NFU1: variants seen among roughly 807,000 people sequenced by gnomAD.
The protein encoded by NFU1 is NFU1 iron-sulfur cluster scaffold, also known as NFU1 iron-sulfur cluster scaffold homolog, mitochondrial.
NFU1 carries 30 observed loss-of-function variants against 32.2 expected under a neutral mutation model. That is an observed-to-expected ratio of 0.93 (90% CI 0.70 to 1.26). The LOEUF is 1.26. Among genes scored for constraint, NFU1 ranks in the 50% most tolerant of loss-of-function variants. The pLI, the probability that NFU1 is intolerant of heterozygous loss-of-function variation, is 0.00. For synonymous variants in NFU1, 112 were observed against 104.6 expected, an observed-to-expected ratio of 1.07 and a Z score of -0.43; for missense variants, 306 against 306.6, an observed-to-expected ratio of 1.00 and a Z score of 0.02.
rs569426951 is a variant in NFU1, at chr2:69,429,659, T to C, written c.166+2243A>G. On this transcript the variant is annotated intron_variant, in intron 2 of 7. Transcript: ENST00000410022. The stretch of plus-strand genomic sequence containing the variant: ...TTAAGAGCATATACTCTATACTATC[T>C]AAAGTAGAAAGTATGAAAATGAATG... Among the ~76,000 whole-genome samples the C allele has an allele frequency of 1.3e-3, 196 of 152,334 alleles. 1 individual carries two copies. The highest frequency in any genetic ancestry group is 4.6e-3 in the African/African-American group (193 of 41,586).
intron 3 of NFU1, among the ~76,000 whole-genome samples, chr2:69,421,051 G>A (rs540633658): frequency 1.3e-5 from 2 of 151,740 alleles, no homozygotes; most frequent in Non-Finnish European, 1.5e-5. Context: ...AAAAAATACC[G>A]AATTTAGCCA....
intron 5 of NFU1, among the ~76,000 whole-genome samples, chr2:69,414,867 A>G (rs1490551914): frequency 6.6e-6 from 1 of 152,124 alleles, no homozygotes; most frequent in Non-Finnish European, 1.5e-5. Flanking sequence ...CAACTGTGGC[A>G]AAAGATAACA....
At position 69,400,449 on chromosome 2, in the gene NFU1, C is replaced by G; in HGVS notation, c.635G>C (p.Ser212Thr). Residue 212 changes from serine to threonine, a missense_variant, in exon 7 of 8, where the codon AGC becomes ACC. Physicochemically the swap from Ser to Thr is moderately conservative, Grantham distance 58. Coordinates refer to ENST00000410022, the MANE Select transcript of NFU1 (RefSeq NM_001002755.4). ...CAGAGTAATGATTGAACTAGGGCAG[C>G]TGGTACAAGAACCCTGGAGTTTCAG... ...VQLKLQGSCT[S>T]CPSSIITLKN... 6.2e-7 allele frequency: 1 copy of G among 1,614,094 alleles called. No individual in the cohort carries two copies. Among genetic ancestry groups the G allele is most frequent in the Non-Finnish European group, 8.5e-7 (1 of 1,179,940 alleles).
chr2:69,410,444 A>G (rs1234914944), intron 5 of NFU1, among the ~76,000 whole-genome samples: 2 of 152,172 alleles, frequency 1.3e-5, no homozygotes, highest in Non-Finnish European at 2.9e-5. Context: ...AAGAGCATGA[A>G]CGCTGGAGGC....
chr2:69,404,794 A>G (rs1208884302), intron 6 of NFU1, among the ~76,000 whole-genome samples: 1 of 150,534 alleles, frequency 6.6e-6, no homozygotes, highest in Non-Finnish European at 1.5e-5. Context: ...TAATTTTTGT[A>G]TTCTTAGTAG....
Position 69,400,489 on chromosome 2 carries a change from C to A in NFU1, c.595G>T (p.Asp199Tyr). Residue 199 changes from aspartate to tyrosine, a missense_variant, in exon 7 of 8, where the codon GAT (aspartate) becomes TAT (tyrosine). Transcript: ENST00000410022. ...GGDVIYKGFE[D>Y]GIVQLKLQGS... ...TGGAGTTTCAGCTGTACAATGCCAT[C>A]TTCAAAGCCTTTGTAGATTACATCC... 1 of 1,614,130 alleles carries A rather than the reference C, an allele frequency of 6.2e-7. No homozygotes were observed. The highest frequency in any genetic ancestry group is 8.5e-7 in the Non-Finnish European group (1 of 1,180,024).
chr2:69,403,755 T>A (rs1172977567), intron 6 of NFU1, among the ~76,000 whole-genome samples: 1 of 152,182 alleles, frequency 6.6e-6, no homozygotes, highest in Non-Finnish European at 1.5e-5. Flanking sequence ...TCTACTGACT[T>A]AAATTCCAGT....
intron 4 of NFU1, among the ~76,000 whole-genome samples, chr2:69,418,837 T>C (rs1485577694): frequency 6.6e-6 from 1 of 152,194 alleles, no homozygotes; most frequent in Non-Finnish European, 1.5e-5. Flanking sequence ...AAGGGGAGTT[T>C]AATAAATATT....
upstream of NFU1, chr2:69,437,532 G>T: frequency 7.2e-7 from 1 of 1,387,448 alleles, no homozygotes; most frequent in Non-Finnish European, 9.9e-7. Context: ...CCTACCGGCT[G>T]CGGGCGGTCC....
chr2:69,427,387 A>G (rs187188108), intron 2 of NFU1, among the ~76,000 whole-genome samples: 80 of 150,424 alleles, frequency 5.3e-4, no homozygotes, highest in Middle Eastern at 3.4e-3. Context: ...CTCCATCTCA[A>G]AAAAAAATAG....
chr2:69,405,354 C>G (rs1033216127), intron 6 of NFU1, among the ~76,000 whole-genome samples: 8 of 152,196 alleles, frequency 5.3e-5, no homozygotes, highest in Admixed American at 2.6e-4. Flanking sequence ...GTCTTCCCAT[C>G]TAAACAAATT....
In NFU1 at chr2:69,396,172, C is replaced by A. The variant is rs1672323749; in HGVS notation, c.*74G>T. Reference sequence around the variant, plus strand: ...TTTTATTAATCTTCAAGTTCCTCAGCATATTAATAATAAAAACTTGATATA... The same window carrying A: ...TTTTATTAATCTTCAAGTTCCTCAGAATATTAATAATAAAAACTTGATATA... On this transcript the variant is annotated 3_prime_UTR_variant, in exon 8 of 8. Transcript: ENST00000410022. The A allele has an allele frequency of 8.8e-7, 1 of 1,138,842 alleles. No individual in the cohort carries two copies. The highest frequency in any genetic ancestry group is 1.5e-5 in the African/African-American group (1 of 64,948). 70.5% of individuals were successfully genotyped at this position (1,138,842 alleles called of 1,614,324 possible).
At chr2:69,399,942 G>A (rs372148792) in intron 7 of NFU1, among the ~76,000 whole-genome samples, 26 of 151,674 alleles carry the variant, frequency 1.7e-4, no homozygotes, top group East Asian at 9.7e-4. Flanking sequence ...GCGCGATCTC[G>A]GCTCACCGCA....
intron 1 of NFU1, among the ~76,000 whole-genome samples, chr2:69,433,744 G>A (rs1476829107): frequency 6.6e-6 from 1 of 152,160 alleles, no homozygotes; most frequent in Non-Finnish European, 1.5e-5. Flanking sequence ...CCAAAATGCT[G>A]GGATTACACA....
upstream of NFU1, among the ~76,000 whole-genome samples, chr2:69,438,309 G>T (rs768728682): frequency 9.9e-5 from 15 of 151,784 alleles, no homozygotes; most frequent in Non-Finnish European, 1.5e-4. Flanking sequence ...CTGGAGAGCA[G>T]GAGTGCGATC....
rs967612065 is a variant in NFU1, at chr2:69,417,934, C to T, written c.369+1604G>A. Among the ~76,000 whole-genome samples the T allele has an allele frequency of 4.7e-5, 7 of 150,250 alleles. No individual in the cohort carries two copies. In the East Asian group the frequency reaches 1.2e-3, roughly 25 times the overall value. Reference sequence around the variant, plus strand: ...AAATTTTTATATAGCATAGGCTATACGTAAAAGAACTAAATAACTTTAAAA... The same window carrying T: ...AAATTTTTATATAGCATAGGCTATATGTAAAAGAACTAAATAACTTTAAAA... On this transcript the variant is annotated intron_variant, in intron 4 of 7. Coordinates refer to ENST00000410022, the MANE Select transcript of NFU1 (RefSeq NM_001002755.4).
chr2:69,438,671 T>A (rs1402153888), upstream of NFU1, among the ~76,000 whole-genome samples: 1 of 152,120 alleles, frequency 6.6e-6, no homozygotes, highest in East Asian at 1.9e-4. Flanking sequence ...CACCTGTTGT[T>A]GAACAGGTTG....
chr2:69,423,462 T>C, intron 3 of NFU1, 120 bp downstream of exon 3: 1 of 886,320 alleles, frequency 1.1e-6, no homozygotes, highest in Non-Finnish European at 1.7e-6. Flanking sequence ...AATTATTTTC[T>C]ACACTTAAAA....
chr2:69,419,331 A>AAAAAGAAAAAG (rs1398954889), intron 4 of NFU1, among the ~76,000 whole-genome samples: 2 of 152,210 alleles, frequency 1.3e-5, no homozygotes. Context: ...TCATCTCAAA[A>AAAAAGAAAAAG]AAAAGAAAAA....
Sources: gnomAD v4.1 joint callset for allele counts (sites outside exome capture counted in the v4.1 genomes callset) on GRCh38, gnomAD v4.1.1 for gene constraint, MANE v1.5 for transcripts, NCBI Gene and HGNC (gene_info 2026-07-23, HGNC 2026-07-21) for gene names.